The following RBFOX1 variants were observed in gnomAD, a reference collection of about 807,000 sequenced individuals.
RBFOX1 encodes RNA binding fox-1 homolog 1, also known as RNA binding protein fox-1 homolog 1.
Under a neutral mutation model 57.7 loss-of-function variants are expected in RBFOX1, and 8 were observed. The observed-to-expected ratio is 0.14, with a 90% CI of 0.08 to 0.25. The LOEUF (loss-of-function observed/expected upper bound fraction) is 0.25. RBFOX1 is among the 10% of genes least tolerant of loss of function. The pLI, the probability that RBFOX1 is intolerant of heterozygous loss-of-function variation, is 1.00. For synonymous variants in RBFOX1, 326 were observed against 222.4 expected (o/e 1.47, Z -4.15); for missense variants, 611 against 548.5 (o/e 1.11, Z -1.14).
At chr16:5,752,636 C>G (rs548373157) in intron 3 of RBFOX1, among the ~76,000 whole-genome samples, 2 of 152,132 alleles carry the variant, frequency 1.3e-5, no homozygotes, top group South Asian at 2.1e-4. Context: ...AGTCATTTTA[C>G]AAAGGTTTCA....
At position 7,546,483 on chromosome 16, in the gene RBFOX1, A is replaced by T. The variant is rs180818235; in HGVS notation, c.270+28094A>T. ...GCTTAAACCCATATTCAATATAGAA[A>T]ATATAGTATATCCAGATAAATAATA... On this transcript the variant is annotated intron_variant, in intron 5 of 15. Transcript: ENST00000550418. Among the ~76,000 whole-genome samples, 796 of 152,314 alleles carry T rather than the reference A, an allele frequency of 5.2e-3. 2 individuals carry two copies. The highest frequency in any genetic ancestry group is 6.4e-3 in the Non-Finnish European group (437 of 68,032).
intron 2 of RBFOX1, among the ~76,000 whole-genome samples, chr16:6,479,445 C>T (rs12595882): frequency 0.12 from 18,509 of 151,592 alleles, 1,967 homozygotes; most frequent in East Asian, 0.47. Flanking sequence ...AAATTTAGCC[C>T]GGCATGGTGG....
At position 7,406,644 on chromosome 16, in the gene RBFOX1, C is replaced by T. The variant is rs1384015753; in HGVS notation, c.28-111503C>T. Reference sequence around the variant, plus strand: ...CTCTCTGCCTTCCAAAGTGACCACGCACCCACATGGCAGATTGTTACCTGA... The same window carrying T: ...CTCTCTGCCTTCCAAAGTGACCACGTACCCACATGGCAGATTGTTACCTGA... On this transcript the variant is annotated intron_variant, in intron 4 of 15. Transcript: ENST00000550418. Among the ~76,000 whole-genome samples, 37 of 152,228 alleles carry T rather than the reference C, an allele frequency of 2.4e-4. 1 individual carries two copies. Among genetic ancestry groups the T allele is most frequent in the Admixed American group, 2.3e-3 (35 of 15,290 alleles).
chr16:6,304,139 T>C (rs2079164925), intron 1 of RBFOX1, among the ~76,000 whole-genome samples: 2 of 151,638 alleles, frequency 1.3e-5, no homozygotes, highest in African/African-American at 4.8e-5. Context: ...AATACAAAAA[T>C]TACCCAGGCG....
chr16:6,116,663 G>A lies in RBFOX1; in HGVS notation c.-127+96671G>A, dbSNP rs562255766. On this transcript the variant is annotated intron_variant, in intron 1 of 15. Transcript: ENST00000550418. ...AATGCTAGAGTGCCCAGGGTTTCCT[G>A]TTATGTGCGACAGCATCTTTCATTG... Among the ~76,000 whole-genome samples the A allele has an allele frequency of 3.9e-5, 6 of 152,298 alleles. No individual in the cohort carries two copies. In the East Asian group the frequency reaches 1.2e-3, roughly 29 times the overall value.
chr16:7,439,079 A>C (rs956927146), intron 4 of RBFOX1, among the ~76,000 whole-genome samples: 7 of 152,096 alleles, frequency 4.6e-5, no homozygotes, highest in Non-Finnish European at 8.8e-5. Context: ...CTCTCTGTGC[A>C]CTCTCAGTGT....
At chr16:7,067,412 G>A (rs1405386774) in intron 4 of RBFOX1, among the ~76,000 whole-genome samples, 1 of 151,452 alleles carries the variant, frequency 6.6e-6, no homozygotes, top group Non-Finnish European at 1.5e-5. Flanking sequence ...TGTCGCCAAG[G>A]CTGTGTTTCT....
chr16:7,081,505 A>C (rs1172019243), intron 4 of RBFOX1, among the ~76,000 whole-genome samples: 3 of 152,214 alleles, frequency 2.0e-5, no homozygotes, highest in Non-Finnish European at 4.4e-5. Flanking sequence ...GGCTAGAAAA[A>C]TAGAAGCACT....
intron 2 of RBFOX1, among the ~76,000 whole-genome samples, chr16:6,585,152 T>C (rs1324255870): frequency 1.3e-5 from 2 of 152,140 alleles, no homozygotes; most frequent in East Asian, 3.9e-4. Flanking sequence ...AAGAAAAAAA[T>C]TATTCCAAGG....
intron 1 of RBFOX1, among the ~76,000 whole-genome samples, chr16:6,278,377 CAAAAAAAAAAAAAAAAAAAAA>C (rs57523660): frequency 3.6e-5 from 1 of 28,042 alleles, no homozygotes; most frequent in African/African-American, 1.3e-4. Flanking sequence ...TAGGACTCAC[CAAAAAAAAAAAAAAAAAAAAA>C]AAAAAAAAAA....
intron 3 of RBFOX1, among the ~76,000 whole-genome samples, chr16:5,701,720 C>T (rs927024292): frequency 6.6e-6 from 1 of 152,186 alleles, no homozygotes; most frequent in Admixed American, 6.5e-5. Context: ...AGGTGTGAGC[C>T]ACCACATCTG....
intron 3 of RBFOX1, among the ~76,000 whole-genome samples, chr16:6,931,595 T>A (rs571266778): frequency 5.9e-5 from 9 of 152,094 alleles, no homozygotes; most frequent in Non-Finnish European, 1.3e-4. Flanking sequence ...GGACAACATA[T>A]CCCACCCCAC....
intron 4 of RBFOX1, among the ~76,000 whole-genome samples, chr16:7,117,331 A>G (rs975471476): frequency 5.3e-5 from 8 of 152,146 alleles, no homozygotes; most frequent in Non-Finnish European, 1.0e-4. Flanking sequence ...ATTCGGTGGT[A>G]ATGTGTCAAC....
intron 1 of RBFOX1, among the ~76,000 whole-genome samples, chr16:6,303,016 G>T (rs1322622910): frequency 6.6e-6 from 1 of 152,150 alleles, no homozygotes. Flanking sequence ...CACTGCCATT[G>T]ATTCTGTTGG....
chr16:7,701,619 CT>C (rs2080765130), intron 14 of RBFOX1, among the ~76,000 whole-genome samples: 1 of 152,162 alleles, frequency 6.6e-6, no homozygotes, highest in South Asian at 2.1e-4. Context: ...TGTTTAGGGA[CT>C]GGTTTAGTTC....
chr16:5,836,557 TC>T (rs1332699628), intron 3 of RBFOX1, among the ~76,000 whole-genome samples: 1 of 152,218 alleles, frequency 6.6e-6, no homozygotes, highest in East Asian at 1.9e-4. Context: ...CATCCCCAAG[TC>T]CTGCCAGTTC....
intron 3 of RBFOX1, among the ~76,000 whole-genome samples, chr16:5,811,434 C>T (rs887168689): frequency 6.7e-5 from 10 of 149,566 alleles, no homozygotes; most frequent in East Asian, 2.0e-4. Context: ...TGAGCCAATG[C>T]ACCCAGCTGG....
Position 5,408,108 on chromosome 16 carries a change from C to T in RBFOX1, c.220-59108C>T, listed in dbSNP as rs1003997225. ...AGTGAATTATCTTTGATGTGACACA[C>T]GTTCCTCCTCCTGTCCAGTTGTGGG... On this transcript the variant is annotated intron_variant, in intron 1 of 2. Transcript: ENST00000585867. 5.3e-5 allele frequency among the ~76,000 whole-genome samples: 8 copies of T among 152,296 alleles called. No homozygotes were observed. In the East Asian group the frequency reaches 7.7e-4, roughly 15 times the overall value.
chr16:7,013,065 A>G, intron 3 of RBFOX1, among the ~76,000 whole-genome samples: 1 of 152,246 alleles, frequency 6.6e-6, no homozygotes, highest in East Asian at 1.9e-4. Flanking sequence ...TAATCCCCTT[A>G]TGAGGATCTT....
Sources: allele counts gnomAD v4.1 joint callset (sites outside exome capture counted in the v4.1 genomes callset), GRCh38; gene constraint gnomAD v4.1.1; transcripts MANE v1.5; gene names NCBI Gene and HGNC (gene_info 2026-07-23, HGNC 2026-07-21).